Variants in SLFN14 observed in about 807,000 individuals in gnomAD.
SLFN14 encodes protein SLFN14.
SLFN14 carries 47 observed loss-of-function variants against 58.6 expected under a neutral mutation model. That is an observed-to-expected ratio of 0.80 (90% CI 0.64 to 1.02). SLFN14 has a LOEUF of 1.02. SLFN14 is among the 50% of genes least tolerant of loss of function. SLFN14 has a pLI of 0.00. For synonymous variants in SLFN14, 390 were observed against 387.3 expected (o/e 1.01, Z -0.08); for missense variants, 967 against 1,078.4 (o/e 0.90, Z 1.45).
intron 5 of SLFN14, among the ~76,000 whole-genome samples, chr17:35,550,348 C>T (rs1216740093): frequency 6.6e-6 from 1 of 152,172 alleles, no homozygotes; most frequent in Non-Finnish European, 1.5e-5. Context: ...GAGTTCAAGA[C>T]CAGCCTGGCC....
In SLFN14 at chr17:35,549,013, CT is replaced by C. The variant is rs762267898; in HGVS notation, c.1964del (p.Lys655ArgfsTer5). On this transcript the variant is annotated frameshift_variant, in exon 6 of 6. Transcript: ENST00000674182. LOFTEE classifies it low-confidence loss of function (END_TRUNC). ...RKTFMQGEFL[K>X]IKHIVMDETE... ...TCTCATCCATCACTATGTGTTTAATCTTTAGAAACTCCCCTTGCATGAAAGT... is the reference window on the plus strand; with the variant it reads ...TCTCATCCATCACTATGTGTTTAATCTTAGAAACTCCCCTTGCATGAAAGT... 1 of 1,551,674 alleles carries C rather than the reference CT, an allele frequency of 6.4e-7. No homozygotes were observed.
Position 35,557,072 on chromosome 17 carries a change from T to C in SLFN14, c.991A>G (p.Met331Val), listed in dbSNP as rs1022104166. The C allele has an allele frequency of 1.9e-6, 3 of 1,551,720 alleles. No homozygotes were observed. The highest frequency in any genetic ancestry group is 1.4e-5 in the African/African-American group (1 of 73,162). Residue 331 changes from methionine (M) to valine (V), a missense_variant, in exon 3 of 6, where the codon ATG becomes GTG. By Grantham distance (21) the Met-to-Val change is conservative. Coordinates refer to ENST00000674182, the MANE Select transcript of SLFN14 (RefSeq NM_001129820.2). Reference protein sequence around the residue: ...VFAEAPDSWIMKDNSVTRLTA... With the variant: ...VFAEAPDSWIVKDNSVTRLTA... ...AGCCGTGTGACAGAATTGTCTTTCA[T>C]GATCCAGGAATCTGGGGCCTCTGCA...
rs1285558863 is a variant in SLFN14 at position 35,553,053 on chromosome 17, C to T, written c.1581G>A (p.Leu527=). 5 of 1,551,612 alleles carry T rather than the reference C, an allele frequency of 3.2e-6. No individual in the cohort carries two copies. Among genetic ancestry groups the T allele is most frequent in the Non-Finnish European group, 4.4e-6 (5 of 1,146,970 alleles). ...CAAGCCTGTAGGACCTGGGGTAACG[C>T]AGGGGGATCTCACCAGGTCTACTCT... is the stretch of plus-strand genomic sequence containing the variant. ...STQSRPGEIP[L]RYPRSYRLAD... The change falls in exon 5 of 6, where the codon CTG becomes CTA. Residue 527 remains leucine (L), a synonymous_variant. Coordinates refer to ENST00000674182, the MANE Select transcript of SLFN14 (RefSeq NM_001129820.2).
At position 35,558,103 on chromosome 17, in the gene SLFN14, G is replaced by A; in HGVS notation, c.-41C>T. ...GTGCTCCAAACAATAAAAGAAAGGA[G>A]TTCCTATAATCAGGACAGAAATATT... On this transcript the variant is annotated 5_prime_UTR_variant, in exon 3 of 6. Transcript: ENST00000674182. 6.7e-7 allele frequency: 1 copy of A among 1,486,340 alleles called. No homozygotes were observed. The highest frequency in any genetic ancestry group is 9.1e-7 in the Non-Finnish European group (1 of 1,103,616). The allele number at this position is 1,486,340 out of a possible 1,614,324, so 92.1% of individuals were successfully genotyped here.
At position 35,544,583 on chromosome 17, in the gene SLFN14, C is replaced by T. The variant is rs551860832; in HGVS notation, c.*3656G>A. On this transcript the variant is annotated 3_prime_UTR_variant, in exon 6 of 6. Coordinates refer to ENST00000674182, the MANE Select transcript of SLFN14 (RefSeq NM_001129820.2). ...CACTCTTGTTGCCCAGGCTGAAGTGCAGTGGCGCAATCTCAGCTCACTGCA... is the reference window on the plus strand; with the variant it reads ...CACTCTTGTTGCCCAGGCTGAAGTGTAGTGGCGCAATCTCAGCTCACTGCA... Among the ~76,000 whole-genome samples the T allele has an allele frequency of 6.8e-6, 1 of 147,060 alleles. No homozygotes were observed. The highest frequency in any genetic ancestry group is 1.5e-5 in the Non-Finnish European group (1 of 67,616).
At position 35,557,438 on chromosome 17, in the gene SLFN14, G is replaced by C; in HGVS notation, c.625C>G (p.His209Asp). 6.4e-7 allele frequency: 1 copy of C among 1,551,700 alleles called. No homozygotes were observed. Among genetic ancestry groups the C allele is most frequent in the Non-Finnish European group, 8.7e-7 (1 of 1,146,994 alleles). The change falls in exon 3 of 6, where the codon CAT (histidine) becomes GAT (aspartate). Residue 209 changes from histidine to aspartate, a missense_variant. Physicochemically the swap from His to Asp is moderately conservative, Grantham distance 81. Coordinates refer to ENST00000674182, the MANE Select transcript of SLFN14 (RefSeq NM_001129820.2). ...KEKLNFTEST[H>D]VEFKRFTTKK... The stretch of plus-strand genomic sequence containing the variant: ...GTGGTGAACCTTTTAAATTCAACAT[G>C]TGTTGACTCAGTAAAGTTGAGTTTC...
In SLFN14 at chr17:35,547,282, A is replaced by C. The variant is rs2072541349; in HGVS notation, c.*957T>G. On this transcript the variant is annotated 3_prime_UTR_variant, in exon 6 of 6. Coordinates refer to ENST00000674182, the MANE Select transcript of SLFN14 (RefSeq NM_001129820.2). The stretch of plus-strand genomic sequence containing the variant: ...CTAATTTGTCTAGTCCTTGTGATAG[A>C]AATATCTTTATTTTAGAAATTATTG... 6.6e-6 allele frequency among the ~76,000 whole-genome samples: 1 copy of C among 152,212 alleles called. No homozygotes were observed. The highest frequency in any genetic ancestry group is 1.5e-5 in the Non-Finnish European group (1 of 68,040).
rs1597899007 is a variant in SLFN14, at chr17:35,546,495, C to A, written c.*1744G>T. On this transcript the variant is annotated 3_prime_UTR_variant, in exon 6 of 6. Coordinates refer to ENST00000674182, the MANE Select transcript of SLFN14 (RefSeq NM_001129820.2). ...AAGGCTGAGGGGCTTTATCTAAAAT[C>A]ATAACCAAAATTTCCACATGTCTCC... Among the ~76,000 whole-genome samples, 3 of 152,342 alleles carry A rather than the reference C, an allele frequency of 2.0e-5. No homozygotes were observed. In the South Asian group the frequency reaches 6.2e-4, roughly 32 times the overall value.
chr17:35,551,688 C>T (rs1462477346), intron 5 of SLFN14, among the ~76,000 whole-genome samples: 1 of 152,144 alleles, frequency 6.6e-6, no homozygotes, highest in African/African-American at 2.4e-5. Context: ...CAGCAGTAGT[C>T]GTTCAAAATA....
At chr17:35,554,132 TTC>T (rs2072625627) in intron 4 of SLFN14, among the ~76,000 whole-genome samples, 1 of 151,890 alleles carries the variant, frequency 6.6e-6, no homozygotes, top group South Asian at 2.1e-4. Flanking sequence ...CAATGGCTCC[TTC>T]TGCATTGGAA....
rs1451718927 is a variant in SLFN14 at position 35,557,616 on chromosome 17, A to G, written c.447T>C (p.Leu149=). The G allele has an allele frequency of 8.4e-6, 13 of 1,551,568 alleles. No homozygotes were observed. In the Admixed American group the frequency reaches 2.4e-4, roughly 28 times the overall value. Residue 149 remains leucine (L), a synonymous_variant, in exon 3 of 6, where the codon CTT becomes CTC. Coordinates refer to ENST00000674182, the MANE Select transcript of SLFN14 (RefSeq NM_001129820.2). ...GGGCTCTAAACCCCTTCTCTCTGAG[A>G]AGCTCCAGGGCACTGCTAGCACTCA... ...INLSASSALE[L]LREKGFRAQR... is the part of the protein sequence containing the mutation.
In SLFN14 at chr17:35,547,731, G is replaced by A. The variant is rs776899854; in HGVS notation, c.*508C>T. Among the ~76,000 whole-genome samples the A allele has an allele frequency of 6.6e-6, 1 of 152,176 alleles. No homozygotes were observed. Among genetic ancestry groups the A allele is most frequent in the Admixed American group, 6.6e-5 (1 of 15,266 alleles). ...TACTTTTGAGACCTATGCAGTCAAAGTAACCAGCCTGGAGGGCACCATACC... is the reference window on the plus strand; with the variant it reads ...TACTTTTGAGACCTATGCAGTCAAAATAACCAGCCTGGAGGGCACCATACC... On this transcript the variant is annotated 3_prime_UTR_variant, in exon 6 of 6. Transcript: ENST00000674182.
chr17:35,548,639 G>T lies in SLFN14; in HGVS notation c.2339C>A (p.Pro780His). The change falls in exon 6 of 6, where the codon CCT (proline) becomes CAT (histidine). Residue 780 changes from proline (P) to histidine (H), a missense_variant. Transcript: ENST00000674182. ...ATTAGTCTTTGTCTCACACACCCCA[G>T]GCAGAGCCTGGGCACACGTTGCTTC... Reference protein sequence around the residue: ...YEEATCAQALPGVCETKTNLT... With the variant: ...YEEATCAQALHGVCETKTNLT... 1.3e-6 allele frequency: 2 copies of T among 1,551,764 alleles called. No individual in the cohort carries two copies. Among genetic ancestry groups the T allele is most frequent in the South Asian group, 2.4e-5 (2 of 84,070 alleles).
chr17:35,550,310 A>G (rs1027954801), intron 5 of SLFN14, among the ~76,000 whole-genome samples: 1 of 152,184 alleles, frequency 6.6e-6, no homozygotes, highest in African/African-American at 2.4e-5. Flanking sequence ...CTTTGCGAGA[A>G]GGAGGTGGGC....
At chr17:35,550,504 C>T (rs189553210) in intron 5 of SLFN14, among the ~76,000 whole-genome samples, 2 of 152,328 alleles carry the variant, frequency 1.3e-5, no homozygotes, top group Admixed American at 6.5e-5. Context: ...TGAGATCGTG[C>T]CACTGCACTC....
Position 35,552,614 on chromosome 17 carries a change from G to GTATA in SLFN14, c.1904+112_1904+115dup, listed in dbSNP as rs201567175. ...CTGCAAAAAGAATATATATATATGT[G>GTATA]TATATATATACACATATATATACAT... On this transcript the variant is annotated intron_variant, in intron 5 of 5. Coordinates refer to ENST00000674182, the MANE Select transcript of SLFN14 (RefSeq NM_001129820.2). 4.2e-5 allele frequency: 13 copies of GTATA among 311,334 alleles called. No homozygotes were observed. In the South Asian group the frequency reaches 7.7e-4, roughly 19 times the overall value. The allele number at this position is 311,334 out of a possible 1,614,324, so 19.3% of individuals were successfully genotyped here.
rs925480938 is a variant in SLFN14 at position 35,546,687 on chromosome 17, A to G, written c.*1552T>C. Among the ~76,000 whole-genome samples the G allele has an allele frequency of 1.3e-5, 2 of 152,256 alleles. No homozygotes were observed. Among genetic ancestry groups the G allele is most frequent in the Non-Finnish European group, 2.9e-5 (2 of 68,050 alleles). The stretch of plus-strand genomic sequence containing the variant: ...CAGCCATTTGGGGAACTGACTAGAA[A>G]AGGGGAACTTTGATTTCATTTCTAA... On this transcript the variant is annotated 3_prime_UTR_variant, in exon 6 of 6. Transcript: ENST00000674182.
chr17:35,551,273 T>C (rs776940863), intron 5 of SLFN14, among the ~76,000 whole-genome samples: 1 of 152,174 alleles, frequency 6.6e-6, no homozygotes, highest in Non-Finnish European at 1.5e-5. Context: ...CTAAATATAT[T>C]TTTGTGTGTG....
Position 35,553,406 on chromosome 17 carries a change from A to G in SLFN14, c.1228T>C (p.Cys410Arg), listed in dbSNP as rs1279256596. 2 of 1,550,764 alleles carry G rather than the reference A, an allele frequency of 1.3e-6. No homozygotes were observed. Among genetic ancestry groups the G allele is most frequent in the Admixed American group, 3.9e-5 (2 of 50,860 alleles). ...TTATGATCTGAGAACAGCTTCTTAC[A>G]GAGGGATTCTGGTTTAAATTGTACC... is the stretch of plus-strand genomic sequence containing the variant. ...EEVQFKPESL[C>R]KKLFSDHKEL... The change falls in exon 5 of 6, where the codon TGT becomes CGT. Residue 410 changes from cysteine (C) to arginine (R), a missense_variant. Coordinates refer to ENST00000674182, the MANE Select transcript of SLFN14 (RefSeq NM_001129820.2).
Sources: gnomAD v4.1 joint callset for allele counts (sites outside exome capture counted in the v4.1 genomes callset) on GRCh38, gnomAD v4.1.1 for gene constraint, MANE v1.5 for transcripts, NCBI Gene and HGNC (gene_info 2026-07-23, HGNC 2026-07-21) for gene names.